OAS2: variants seen among roughly 807,000 people sequenced by gnomAD.
The protein encoded by OAS2 is 2'-5'-oligoadenylate synthetase 2, also known as 2'-5'-oligoadenylate synthase 2.
OAS2 carries 67 observed loss-of-function variants against 71.3 expected under a neutral mutation model. That is an observed-to-expected ratio of 0.94 (90% CI 0.77 to 1.15). The LOEUF is 1.15. OAS2 is among the 50% of genes most tolerant of loss of function. The pLI is 0.00. For synonymous variants in OAS2, 327 were observed against 321.8 expected, an observed-to-expected ratio of 1.02 and a Z score of -0.17; for missense variants, 789 against 822.5, an observed-to-expected ratio of 0.96 and a Z score of 0.50.
chr12:113,007,647 C>A, intron 8 of OAS2, 58 bp from the exon 9 acceptor site: 2 of 1,399,662 alleles, frequency 1.4e-6, no homozygotes, highest in Non-Finnish European at 2.0e-6. Flanking sequence ...GGTCCCTGTG[C>A]GGCTCTCACT....
chr12:112,993,630 A>G (rs1371332738), intron 2 of OAS2, among the ~76,000 whole-genome samples: 1 of 152,096 alleles, frequency 6.6e-6, no homozygotes, highest in Non-Finnish European at 1.5e-5. Flanking sequence ...CTGTAATTCC[A>G]ACACTTTGGA....
intron 1 of OAS2, among the ~76,000 whole-genome samples, chr12:112,979,419 A>T (rs1817608363): frequency 6.6e-6 from 1 of 152,092 alleles, no homozygotes; most frequent in Non-Finnish European, 1.5e-5. Context: ...CTGCTGCCAC[A>T]CTTTTTGGTC....
rs1480215405 is a variant in OAS2 at position 113,010,495 on chromosome 12, G to T, written c.*1240G>T. Reference sequence around the variant, plus strand: ...AAAAGAAACTTCTAGAGATCATCTGGCAATCGCTTTTAAAGACTCGGCTCA... The same window carrying T: ...AAAAGAAACTTCTAGAGATCATCTGTCAATCGCTTTTAAAGACTCGGCTCA... On this transcript the variant is annotated 3_prime_UTR_variant, in exon 10 of 10. Coordinates refer to ENST00000392583, the MANE Select transcript of OAS2 (RefSeq NM_002535.3). 3.1e-6 allele frequency: 5 copies of T among 1,611,032 alleles called. No homozygotes were observed. Among genetic ancestry groups the T allele is most frequent in the Non-Finnish European group, 3.4e-6 (4 of 1,179,352 alleles).
At chr12:112,988,519 C>T in intron 2 of OAS2, 1 of 707,374 alleles carries the variant, frequency 1.4e-6, no homozygotes, top group Non-Finnish European at 1.7e-6. Flanking sequence ...GAGTAGGTTG[C>T]AGTCTGTTTA....
Position 113,002,792 on chromosome 12 carries a change from A to T in OAS2, c.1009-140A>T, listed in dbSNP as rs1010581201. On this transcript the variant is annotated intron_variant, in intron 5 of 9. Coordinates refer to ENST00000392583, the MANE Select transcript of OAS2 (RefSeq NM_002535.3). ...TCTTGGGATGTATTTGTGCAATGAC[A>T]AAAGACGGAAAAGATGCCAGCCCAC... The T allele has an allele frequency of 5.9e-5, 42 of 712,572 alleles. No homozygotes were observed. The African/African-American group carries it at 6.9e-4, about 12-fold the overall frequency. 44.1% of individuals were successfully genotyped at this position (712,572 alleles called of 1,614,324 possible).
intron 2 of OAS2, among the ~76,000 whole-genome samples, chr12:112,989,808 A>T (rs970043473): frequency 3.3e-5 from 5 of 152,172 alleles, no homozygotes; most frequent in African/African-American, 1.2e-4. Context: ...AGGTCCATTC[A>T]GATGACTGGG....
chr12:113,007,927 C>T lies in OAS2; in HGVS notation c.1879C>T (p.Gln627Ter). 3 of 1,613,706 alleles carry T rather than the reference C, an allele frequency of 1.9e-6. No homozygotes were observed. Among genetic ancestry groups the T allele is most frequent in the Non-Finnish European group, 1.7e-6 (2 of 1,179,644 alleles). Residue 627 changes from glutamine to a stop codon, truncating the protein, a stop_gained, in exon 9 of 10, where the codon CAG becomes TAG. Transcript: ENST00000392583. LOFTEE classifies it low-confidence loss of function (END_TRUNC). ...DETVRKFLLS[Q>*]LQKTRPVILD... Reference sequence around the variant, plus strand: ...GACCGTGAGGAAGTTTCTACTGAGCCAGTTGCAGAAAACCAGGTGCCTTCA... The same window carrying T: ...GACCGTGAGGAAGTTTCTACTGAGCTAGTTGCAGAAAACCAGGTGCCTTCA...
At position 112,997,578 on chromosome 12, in the gene OAS2, C is replaced by T. The variant is rs200589437; in HGVS notation, c.686C>T (p.Thr229Met). The T allele has an allele frequency of 2.7e-5, 44 of 1,614,136 alleles. No individual in the cohort carries two copies. Among genetic ancestry groups the T allele is most frequent in the Middle Eastern group, 1.6e-4 (1 of 6,062 alleles). Reference protein sequence around the residue: ...SLSPYALELLTVYAWEQGCRK... With the variant: ...SLSPYALELLMVYAWEQGCRK... ...TCTCCGTATGCCCTGGAGCTGCTTA[C>T]GGTGTATGCCTGGGAACAGGGGTGC... is the stretch of plus-strand genomic sequence containing the variant. Residue 229 changes from threonine to methionine, a missense_variant, in exon 4 of 10, where the codon ACG becomes ATG. Physicochemically the swap from Thr to Met is moderately conservative, Grantham distance 81. Transcript: ENST00000392583.
Position 112,987,258 on chromosome 12 carries a change from C to CA in OAS2, c.404dup (p.Asn135LysfsTer19), listed in dbSNP as rs993638397. ...GATGGGTTCACCATCCAGGTGTTCACAAAAAATCAGAGAATCTCTTTCGAG... is the reference window on the plus strand; with the variant it reads ...GATGGGTTCACCATCCAGGTGTTCACAAAAAAATCAGAGAATCTCTTTCGAG... On this transcript the variant is annotated frameshift_variant, in exon 2 of 10. Transcript: ENST00000392583. LOFTEE classifies it high-confidence loss of function. 3 of 1,614,022 alleles carry CA rather than the reference C, an allele frequency of 1.9e-6. No individual in the cohort carries two copies. The highest frequency in any genetic ancestry group is 1.3e-5 in the African/African-American group (1 of 74,920).
Position 112,998,288 on chromosome 12 carries a change from G to T in OAS2, c.886G>T (p.Asp296Tyr). 1 of 1,612,906 alleles carries T rather than the reference G, an allele frequency of 6.2e-7. No homozygotes were observed. The highest frequency in any genetic ancestry group is 1.1e-5 in the South Asian group (1 of 90,780). ...SARPVILDPV[D>Y]PTNNVSGDKI... Reference sequence around the variant, plus strand: ...CAGGCCAGTAATCTTGGATCCAGTTGACCCAACCAATAATGTGAGTGGAGA... The same window carrying T: ...CAGGCCAGTAATCTTGGATCCAGTTTACCCAACCAATAATGTGAGTGGAGA... Residue 296 changes from aspartate to tyrosine, a missense_variant, in exon 5 of 10, where the codon GAC (aspartate) becomes TAC (tyrosine). Coordinates refer to ENST00000392583, the MANE Select transcript of OAS2 (RefSeq NM_002535.3).
intron 2 of OAS2, chr12:112,988,591 G>T: frequency 1.0e-6 from 1 of 984,662 alleles, no homozygotes; most frequent in Non-Finnish European, 1.2e-6. Context: ...CTTAAAATAT[G>T]TAAGGAGGCA....
Position 112,998,424 on chromosome 12 carries a change from C to A in OAS2, c.1008+14C>A, listed in dbSNP as rs922667823. ...TGGAATGTTCTGGTAAGAGGGTTTT[C>A]CAAATACAGGGTGTTTCATGCTGCA... On this transcript the variant is annotated intron_variant, in intron 5 of 9. Transcript: ENST00000392583. 9 of 1,604,348 alleles carry A rather than the reference C, an allele frequency of 5.6e-6. No homozygotes were observed. The highest frequency in any genetic ancestry group is 2.2e-5 in the South Asian group (2 of 89,176).
chr12:112,995,825 G>A (rs761569214), intron 3 of OAS2, among the ~76,000 whole-genome samples: 4 of 152,236 alleles, frequency 2.6e-5, no homozygotes, highest in South Asian at 2.1e-4. Context: ...TCATATGGTT[G>A]CAGGGTCTTG....
Position 113,002,999 on chromosome 12 carries a change from A to G in OAS2, c.1076A>G (p.Asn359Ser), listed in dbSNP as rs752475666. The part of the protein sequence containing the change: ...DKFIKEFLQP[N>S]KCFLEQIDSA... ...TTCATCAAGGAGTTTCTCCAGCCCAACAAATGCTTCCTAGAGCAGATTGAC... is the reference window on the plus strand; with the variant it reads ...TTCATCAAGGAGTTTCTCCAGCCCAGCAAATGCTTCCTAGAGCAGATTGAC... Residue 359 changes from asparagine (N) to serine (S), a missense_variant, in exon 6 of 10, where the codon AAC becomes AGC. By Grantham distance (46) the Asn-to-Ser change is conservative. Coordinates refer to ENST00000392583, the MANE Select transcript of OAS2 (RefSeq NM_002535.3). The G allele has an allele frequency of 1.2e-6, 2 of 1,614,024 alleles. No individual in the cohort carries two copies. Among genetic ancestry groups the G allele is most frequent in the South Asian group, 1.1e-5 (1 of 91,080 alleles).
At chr12:112,998,238 A>G (rs1267681153) in intron 4 of OAS2, 28 bp from the exon 5 acceptor site, 2 of 1,603,028 alleles carry the variant, frequency 1.2e-6, no homozygotes, top group Non-Finnish European at 1.7e-6. Context: ...AGCTCAACTG[A>G]CTTTTTTTAA....
chr12:112,978,550 A>G lies in OAS2; in HGVS notation c.-59A>G. The G allele has an allele frequency of 6.3e-7, 1 of 1,583,132 alleles. No homozygotes were observed. The stretch of plus-strand genomic sequence containing the variant: ...AGTTTCCTGGCTCTGGGCAGCAGCA[A>G]GAATTCCTCTGCCTCCCATCCTACC... On this transcript the variant is annotated 5_prime_UTR_variant, in exon 1 of 10. Transcript: ENST00000392583. This position sits in a 1 kb window ranked among gnomAD's most constrained non-coding sequence, Gnocchi z 4.2.
intron 3 of OAS2, among the ~76,000 whole-genome samples, chr12:112,996,444 T>A (rs2044232792): frequency 6.6e-6 from 1 of 152,144 alleles, no homozygotes; most frequent in Non-Finnish European, 1.5e-5. Context: ...TCTTGCCGAA[T>A]CATTTCCAAA....
In OAS2 at chr12:112,987,032, T is replaced by C. The variant is rs752935236; in HGVS notation, c.178-6T>C. 4 of 1,601,560 alleles carry C rather than the reference T, an allele frequency of 2.5e-6. No individual in the cohort carries two copies. Among genetic ancestry groups the C allele is most frequent in the Non-Finnish European group, 3.4e-6 (4 of 1,171,358 alleles). ...TGTCTCATATCTGCTTCTTTGTCAC[T>C]GGCAGGGTGGCTCCTATGGACGGAA... On this transcript the variant is annotated splice_polypyrimidine_tract_variant and splice_region_variant and intron_variant, in intron 1 of 9. Coordinates refer to ENST00000392583, the MANE Select transcript of OAS2 (RefSeq NM_002535.3).
intron 1 of OAS2, among the ~76,000 whole-genome samples, chr12:112,982,256 A>G (rs924051313): frequency 1.3e-5 from 2 of 152,158 alleles, no homozygotes; most frequent in Non-Finnish European, 2.9e-5. Context: ...TAGGACTTCC[A>G]GGATACAGGC....
Sources: allele counts gnomAD v4.1 joint callset (sites outside exome capture counted in the v4.1 genomes callset), GRCh38; gene constraint gnomAD v4.1.1; non-coding constraint Gnocchi (gnomAD v3.1); transcripts MANE v1.5; gene names NCBI Gene and HGNC (gene_info 2026-07-23, HGNC 2026-07-21).